Variants in TPR observed in about 807,000 individuals in gnomAD.
The protein encoded by TPR is nucleoprotein TPR.
In TPR, 51 loss-of-function variants were observed where a neutral mutation model predicts 316.1. That is an observed-to-expected ratio of 0.16 (90% CI 0.13 to 0.20). The LOEUF is 0.20. Ranked by LOEUF, TPR falls within the 10% of genes least tolerant of loss-of-function variation. TPR has a pLI of 1.00. For synonymous variants in TPR, 981 were observed against 914.7 expected (o/e 1.07, Z -1.31); for missense variants, 2,272 against 2,754.8 (o/e 0.82, Z 3.92).
At chr1:186,336,846 C>T in intron 32 of TPR, 152 bp from the exon 33 acceptor site, 2 of 1,326,230 alleles carry the variant, frequency 1.5e-6, no homozygotes, top group Non-Finnish European at 2.1e-6. Flanking sequence ...CAACTAAATG[C>T]ACACTTGAAG....
At chr1:186,368,441 G>C (rs1295627351) in intron 3 of TPR, among the ~76,000 whole-genome samples, 1 of 152,070 alleles carries the variant, frequency 6.6e-6, no homozygotes, top group East Asian at 1.9e-4. Context: ...GCGAAACCCA[G>C]TCTCTACAAG....
Position 186,362,354 on chromosome 1 carries a change from A to G in TPR, c.723T>C (p.Asn241=), listed in dbSNP as rs1362002739. ...EEVSRLEEQM[N]GLKTSNEHLQ... is the part of the protein sequence containing the mutation. The stretch of plus-strand genomic sequence containing the variant: ...GATGTTCATTTGATGTTTTTAAGCC[A>G]TTCATTTGTTCTTCCAGTCTAGAAA... The change falls in exon 7 of 51, where the codon AAT becomes AAC. Residue 241 remains asparagine, a synonymous_variant. Transcript: ENST00000367478. The G allele has an allele frequency of 1.2e-6, 2 of 1,612,032 alleles. No homozygotes were observed.
chr1:186,354,370 T>C (rs1345749382), intron 17 of TPR, among the ~76,000 whole-genome samples: 2 of 152,238 alleles, frequency 1.3e-5, no homozygotes, highest in African/African-American at 4.8e-5. Flanking sequence ...CAATGCAGTA[T>C]ACAAATTAAG....
intron 26 of TPR, 42 bp downstream of exon 26, chr1:186,343,864 G>A: frequency 2.0e-6 from 3 of 1,500,550 alleles, no homozygotes; most frequent in Non-Finnish European, 2.7e-6. Context: ...TCATTTCATA[G>A]TTGTTATACC....
chr1:186,344,730 TTTAG>T, intron 24 of TPR, 152 bp from the exon 25 acceptor site: 1 of 602,540 alleles, frequency 1.7e-6, no homozygotes, highest in Non-Finnish European at 2.5e-6. Flanking sequence ...AAGTTAATGC[TTTAG>T]TTACTTAATA....
intron 30 of TPR, among the ~76,000 whole-genome samples, chr1:186,339,232 C>G (rs953905298): frequency 1.3e-5 from 2 of 151,884 alleles, no homozygotes; most frequent in Admixed American, 1.3e-4. Flanking sequence ...GAGTTTGAGA[C>G]CAGCCTGGGC....
At chr1:186,349,662 A>ATC (rs1372078760) in intron 21 of TPR, among the ~76,000 whole-genome samples, 9,937 of 146,830 alleles carry the variant, frequency 0.068, 417 homozygotes, top group South Asian at 0.088. Flanking sequence ...TCTCTCTCAA[A>ATC]AAAAAAAAAA....
chr1:186,361,396 A>T lies in TPR; in HGVS notation c.958+226T>A, dbSNP rs185448709. 2.9e-3 allele frequency among the ~76,000 whole-genome samples: 444 copies of T among 152,060 alleles called. 5 individuals are homozygous for T. The highest frequency in any genetic ancestry group is 0.01 in the African/African-American group (431 of 41,540). On this transcript the variant is annotated intron_variant, in intron 9 of 50. Coordinates refer to ENST00000367478, the MANE Select transcript of TPR (RefSeq NM_003292.3). ...AGCAAATTATACAAGATTATTAGAT[A>T]AAAAACAAACAAAACCCCCTGCTGT...
Position 186,360,003 on chromosome 1 carries a change from G to T in TPR, c.1192-7C>A. On this transcript the variant is annotated splice_polypyrimidine_tract_variant and splice_region_variant and intron_variant, in intron 11 of 50. Coordinates refer to ENST00000367478, the MANE Select transcript of TPR (RefSeq NM_003292.3). ...CCACATAAGCATTATAGAGCTGAAA[G>T]TAGACAAAGGGTTGTTTCAAATCTA... The T allele has an allele frequency of 6.2e-7, 1 of 1,602,554 alleles. No homozygotes were observed. Among genetic ancestry groups the T allele is most frequent in the Non-Finnish European group, 8.5e-7 (1 of 1,177,340 alleles).
intron 4 of TPR, among the ~76,000 whole-genome samples, chr1:186,363,880 G>A (rs1659261254): frequency 6.6e-6 from 1 of 151,916 alleles, no homozygotes; most frequent in Admixed American, 6.6e-5. Flanking sequence ...AGAAATATAA[G>A]CAAATATAAA....
At chr1:186,331,445 A>T in intron 39 of TPR, 53 bp downstream of exon 39, 1 of 1,280,484 alleles carries the variant, frequency 7.8e-7, no homozygotes, top group Non-Finnish European at 1.1e-6. Context: ...TGTCAAAGCT[A>T]ATTTCATTCA....
At chr1:186,366,324 T>C (rs754833233) in intron 4 of TPR, among the ~76,000 whole-genome samples, 1 of 152,222 alleles carries the variant, frequency 6.6e-6, no homozygotes, top group Non-Finnish European at 1.5e-5. Flanking sequence ...TAATGTACAG[T>C]AAACGTATTT....
intron 22 of TPR, 85 bp from the exon 23 acceptor site, chr1:186,346,372 G>T: frequency 7.7e-7 from 1 of 1,304,970 alleles, no homozygotes; most frequent in Non-Finnish European, 1.0e-6. Flanking sequence ...AAACTAATTT[G>T]AGAAGTAATA....
chr1:186,348,817 T>C (rs1234015446), intron 21 of TPR, among the ~76,000 whole-genome samples: 1 of 152,168 alleles, frequency 6.6e-6, no homozygotes, highest in Non-Finnish European at 1.5e-5. Flanking sequence ...AAATCTTAAA[T>C]CTAAAATTTA....
chr1:186,313,772 T>TC lies in TPR; in HGVS notation c.*198dup. 1.3e-6 allele frequency: 2 copies of TC among 1,599,402 alleles called. No homozygotes were observed. The highest frequency in any genetic ancestry group is 3.3e-4 in the Middle Eastern group (2 of 6,032). ...CCTTATCCAAAGTCTGGTACAACTGTCCTTAGACTGATGAGCAAAGGAGGA... is the reference window on the plus strand; with the variant it reads ...CCTTATCCAAAGTCTGGTACAACTGTCCCTTAGACTGATGAGCAAAGGAGGA... On this transcript the variant is annotated 3_prime_UTR_variant, in exon 51 of 51. Coordinates refer to ENST00000367478, the MANE Select transcript of TPR (RefSeq NM_003292.3).
intron 1 of TPR, among the ~76,000 whole-genome samples, chr1:186,374,505 G>A (rs1341976143): frequency 1.3e-5 from 2 of 152,292 alleles, no homozygotes; most frequent in East Asian, 1.9e-4. Context: ...TAGAATGCAG[G>A]TGCCTAGAAA....
intron 49 of TPR, among the ~76,000 whole-genome samples, chr1:186,314,953 G>T (rs550728871): frequency 4.6e-5 from 7 of 152,130 alleles, no homozygotes; most frequent in Admixed American, 3.3e-4. Flanking sequence ...GATCACTTGA[G>T]CTCAGGAGTT....
intron 7 of TPR, 138 bp from the exon 8 acceptor site, chr1:186,362,007 CAA>C: frequency 1.4e-5 from 10 of 738,902 alleles, no homozygotes; most frequent in Non-Finnish European, 1.9e-5. Context: ...GTCTTCATGA[CAA>C]AGATAAATTA....
chr1:186,344,827 T>C (rs542271570), intron 24 of TPR, among the ~76,000 whole-genome samples: 10 of 152,340 alleles, frequency 6.6e-5, no homozygotes, highest in Non-Finnish European at 1.0e-4. Flanking sequence ...ATAACTCAGC[T>C]ATATTAAGTA....
Sources: allele counts gnomAD v4.1 joint callset (sites outside exome capture counted in the v4.1 genomes callset), GRCh38; gene constraint gnomAD v4.1.1; transcripts MANE v1.5; gene names NCBI Gene and HGNC (gene_info 2026-07-23, HGNC 2026-07-21).